Variants in SDK1 observed in about 807,000 individuals in gnomAD.
SDK1 encodes the protein sidekick cell adhesion molecule 1.
Under a neutral mutation model 245.5 loss-of-function variants are expected in SDK1, and 157 were observed. That is an observed-to-expected ratio of 0.64 (90% confidence interval 0.56 to 0.73). The LOEUF (loss-of-function observed/expected upper bound fraction) is 0.73, where lower values mean the gene tolerates loss of function less well. SDK1 is among the 30% of genes least tolerant of loss of function. SDK1 has a pLI of 0.00. For synonymous variants in SDK1, 1,647 were observed against 1,278.5 expected, an observed-to-expected ratio of 1.29 and a Z score of -6.15; for missense variants, 3,583 against 3,002.3, an observed-to-expected ratio of 1.19 and a Z score of -4.52.
At chr7:3,655,222 T>A (rs1783125082) in intron 4 of SDK1, among the ~76,000 whole-genome samples, 1 of 151,236 alleles carries the variant, frequency 6.6e-6, no homozygotes, top group African/African-American at 2.4e-5. Context: ...TCATCTGAGG[T>A]TGGGAGTTCA....
chr7:4,173,506 A>G (rs757026581), intron 32 of SDK1, among the ~76,000 whole-genome samples: 13 of 152,244 alleles, frequency 8.5e-5, no homozygotes, highest in African/African-American at 1.2e-4. Context: ...GCAAGACCTG[A>G]AACTCCACTT....
At chr7:3,552,332 C>T (rs976101682) in intron 1 of SDK1, among the ~76,000 whole-genome samples, 9 of 152,282 alleles carry the variant, frequency 5.9e-5, no homozygotes, top group Admixed American at 2.0e-4. Flanking sequence ...TGAGCCACCG[C>T]GCCCAGCTGA....
chr7:3,382,456 A>G (rs1781512039), intron 1 of SDK1, among the ~76,000 whole-genome samples: 1 of 152,154 alleles, frequency 6.6e-6, no homozygotes, highest in South Asian at 2.1e-4. Context: ...AATATAAAAC[A>G]TCGGCATTTT....
Position 4,114,070 on chromosome 7 carries a change from G to A in SDK1, c.3619G>A (p.Glu1207Lys), listed in dbSNP as rs185718219. 25 of 1,614,208 alleles carry A rather than the reference G, an allele frequency of 1.5e-5. No individual in the cohort carries two copies. In the East Asian group the frequency reaches 3.3e-4, roughly 22 times the overall value. Residue 1207 changes from glutamate (E) to lysine (K), a missense_variant, in exon 25 of 45, where the codon GAG (glutamate) becomes AAG (lysine). Physicochemically the swap from Glu to Lys is moderately conservative, Grantham distance 56 (BLOSUM62 1). Coordinates refer to ENST00000404826, the MANE Select transcript of SDK1 (RefSeq NM_152744.4). ...GGATTCTCAGTACAACGGGAACCCC[G>A]AGTCCGTGGGCTACAGGATTAAGTA... ...LPDSQYNGNP[E>K]SVGYRIKYWR...
chr7:3,479,927 A>C (rs1276325146), intron 1 of SDK1, among the ~76,000 whole-genome samples: 1 of 151,492 alleles, frequency 6.6e-6, no homozygotes, highest in Non-Finnish European at 1.5e-5. Context: ...AGTTCTTTCA[A>C]TTTTTTCTTT....
rs554426818 is a variant in SDK1 at position 3,914,598 on chromosome 7, G to A, written c.848-36325G>A. ...AACCATGAAGCTAGGGAAGTTCAAA[G>A]GCTTGCTCTTGCATGTGCTCAGTCA... On this transcript the variant is annotated intron_variant, in intron 5 of 44. Transcript: ENST00000404826. Among the ~76,000 whole-genome samples, 8 of 152,286 alleles carry A rather than the reference G, an allele frequency of 5.3e-5. No individual in the cohort carries two copies. In the South Asian group the frequency reaches 1.7e-3, roughly 32 times the overall value.
intron 5 of SDK1, among the ~76,000 whole-genome samples, chr7:3,941,032 C>A (rs1246014081): frequency 6.6e-6 from 1 of 151,968 alleles, no homozygotes; most frequent in African/African-American, 2.4e-5. Flanking sequence ...CCTTCTCCCT[C>A]CTGACCCACC....
chr7:3,702,772 A>G (rs1784774852), intron 4 of SDK1, among the ~76,000 whole-genome samples: 1 of 152,232 alleles, frequency 6.6e-6, no homozygotes, highest in Non-Finnish European at 1.5e-5. Flanking sequence ...GTTCAAGTTC[A>G]GCATTTTTAC....
At chr7:3,503,004 A>ACCAG (rs1782267890) in intron 1 of SDK1, among the ~76,000 whole-genome samples, 1 of 152,168 alleles carries the variant, frequency 6.6e-6, no homozygotes, top group Non-Finnish European at 1.5e-5. Flanking sequence ...TACACTGGTG[A>ACCAG]TGTTATTAAT....
chr7:3,950,853 C>T lies in SDK1; in HGVS notation c.848-70C>T. ...ATCCCCGGGGGTCTTGGAACGTGTCCCCTCAGATAACGGCGGGGGGTGCTC... is the reference window on the plus strand; with the variant it reads ...ATCCCCGGGGGTCTTGGAACGTGTCTCCTCAGATAACGGCGGGGGGTGCTC... On this transcript the variant is annotated intron_variant, in intron 5 of 44. Transcript: ENST00000404826. The T allele has an allele frequency of 6.5e-6, 8 of 1,222,740 alleles. No individual in the cohort carries two copies. In the South Asian group the frequency reaches 1.0e-4, roughly 15 times the overall value. 75.7% of individuals were successfully genotyped at this position (1,222,740 alleles called of 1,614,324 possible).
intron 1 of SDK1, among the ~76,000 whole-genome samples, chr7:3,431,134 C>T (rs1269243322): frequency 6.6e-6 from 1 of 152,142 alleles, no homozygotes; most frequent in Non-Finnish European, 1.5e-5. Flanking sequence ...CTCCTGAGCT[C>T]AAGTGATCCG....
chr7:3,559,718 A>G (rs1779690877), intron 1 of SDK1, among the ~76,000 whole-genome samples: 2 of 151,676 alleles, frequency 1.3e-5, no homozygotes, highest in Admixed American at 1.3e-4. Flanking sequence ...CCTCAAGGTA[A>G]CGCTGTAAAG....
chr7:4,131,707 C>G (rs1445965302), intron 27 of SDK1, among the ~76,000 whole-genome samples: 3 of 151,864 alleles, frequency 2.0e-5, no homozygotes, highest in Admixed American at 2.0e-4. Flanking sequence ...TCCACCACAC[C>G]TAGCTGCTTT....
At chr7:3,862,399 G>A (rs1319538403) in intron 5 of SDK1, among the ~76,000 whole-genome samples, 1 of 152,186 alleles carries the variant, frequency 6.6e-6, no homozygotes. Context: ...GTGGCACAGC[G>A]AGCAAATCTT....
rs181801974 is a variant in SDK1, at chr7:3,578,232, C to T, written c.299-40848C>T. 2.1e-3 allele frequency among the ~76,000 whole-genome samples: 320 copies of T among 152,022 alleles called. 3 individuals carry two copies. The highest frequency in any genetic ancestry group is 3.4e-3 in the Admixed American group (52 of 15,262). ...GTAGGACCATGATGCCCACCTGAGC[C>T]GCAAAACCAGCAAGTTTTATTAAGG... On this transcript the variant is annotated intron_variant, in intron 1 of 44. Transcript: ENST00000404826.
chr7:4,073,742 G>A (rs1320703193), intron 20 of SDK1, among the ~76,000 whole-genome samples: 5 of 152,152 alleles, frequency 3.3e-5, no homozygotes, highest in Admixed American at 3.3e-4. Context: ...AGGAGGAGGC[G>A]CTTTGAGAGC....
At chr7:3,520,064 T>C (rs1162665433) in intron 1 of SDK1, among the ~76,000 whole-genome samples, 5 of 152,222 alleles carry the variant, frequency 3.3e-5, no homozygotes, top group African/African-American at 1.2e-4. Flanking sequence ...TTGTTCTTAT[T>C]AAAGTTACTG....
chr7:3,902,726 A>G (rs865968282), intron 5 of SDK1, among the ~76,000 whole-genome samples: 2 of 152,248 alleles, frequency 1.3e-5, no homozygotes, highest in Non-Finnish European at 2.9e-5. Flanking sequence ...TTCCCTGTCC[A>G]TGCCTTGTAC....
At chr7:3,748,382 A>T (rs144372553) in intron 4 of SDK1, among the ~76,000 whole-genome samples, 130 of 152,348 alleles carry the variant, frequency 8.5e-4, no homozygotes, top group African/African-American at 3.1e-3. Context: ...GATTTAGTTT[A>T]TCTTGGAACA....
Sources: allele counts gnomAD v4.1 joint callset (sites outside exome capture counted in the v4.1 genomes callset), GRCh38; gene constraint gnomAD v4.1.1; transcripts MANE v1.5; gene names NCBI Gene and HGNC (gene_info 2026-07-23, HGNC 2026-07-21).